Variants in CDH2 observed in about 807,000 individuals in gnomAD.
CDH2 encodes cadherin-2.
A neutral mutation model predicts 92.0 loss-of-function variants in CDH2; 17 were observed. The ratio of observed to expected loss-of-function variants is 0.18; its 90% confidence interval spans 0.13 to 0.28. CDH2 has a LOEUF of 0.28. Ranked by LOEUF, CDH2 falls within the 10% of genes least tolerant of loss-of-function variation. The pLI is 1.00. For missense variants in CDH2, 862 were observed against 1,133.1 expected, an observed-to-expected ratio of 0.76 and a Z score of 3.44; for synonymous variants, 419 against 415.9, an observed-to-expected ratio of 1.01 and a Z score of -0.09.
At chr18:28,105,035 G>A (rs1304230935) in intron 2 of CDH2, among the ~76,000 whole-genome samples, 2 of 151,926 alleles carry the variant, frequency 1.3e-5, no homozygotes, top group African/African-American at 2.4e-5. Context: ...TTGATCTAGA[G>A]CCAGATTTCT....
chr18:28,005,317 G>A (rs1367554945), intron 6 of CDH2, among the ~76,000 whole-genome samples: 1 of 152,100 alleles, frequency 6.6e-6, no homozygotes, highest in African/African-American at 2.4e-5. Flanking sequence ...GGGACACGCT[G>A]GCCACCCTGA....
chr18:28,118,138 T>C (rs1293214747), intron 2 of CDH2, among the ~76,000 whole-genome samples: 6 of 151,972 alleles, frequency 3.9e-5, no homozygotes, highest in South Asian at 2.1e-4. Context: ...TGATGTTCTA[T>C]CCATACAATA....
At chr18:28,010,685 G>T (rs531817389) in intron 4 of CDH2, among the ~76,000 whole-genome samples, 4 of 151,090 alleles carry the variant, frequency 2.6e-5, no homozygotes, top group South Asian at 2.1e-4. Flanking sequence ...TTTTTTGCGG[G>T]GGGGGAAGGA....
chr18:28,019,117 A>C (rs568207455), intron 2 of CDH2, among the ~76,000 whole-genome samples: 1 of 151,992 alleles, frequency 6.6e-6, no homozygotes, highest in South Asian at 2.1e-4. Flanking sequence ...GGTGTAAATG[A>C]TGCAATGGAC....
intron 15 of CDH2, among the ~76,000 whole-genome samples, chr18:27,957,064 C>G (rs187981072): frequency 3.9e-5 from 6 of 152,052 alleles, no homozygotes; most frequent in Admixed American, 3.3e-4. Context: ...TTGTGCACTT[C>G]TATGTTGTTT....
downstream of CDH2, among the ~76,000 whole-genome samples, chr18:27,948,913 T>C (rs1339159162): frequency 1.3e-5 from 2 of 151,878 alleles, no homozygotes; most frequent in Non-Finnish European, 2.9e-5. Flanking sequence ...AAAATAACCA[T>C]TTCAAAGGGG....
intron 2 of CDH2, among the ~76,000 whole-genome samples, chr18:28,070,394 T>C (rs550651908): frequency 4.1e-4 from 63 of 152,268 alleles, no homozygotes; most frequent in Admixed American, 4.1e-3. Context: ...GAGAAAGTAG[T>C]TGCTAAGGAG....
At chr18:27,998,096 A>G (rs990806041) in intron 7 of CDH2, among the ~76,000 whole-genome samples, 8 of 151,848 alleles carry the variant, frequency 5.3e-5, no homozygotes, top group Middle Eastern at 3.4e-3. Flanking sequence ...GTGAGCCACC[A>G]CTCCTGGCCA....
intron 2 of CDH2, among the ~76,000 whole-genome samples, chr18:28,077,981 G>A (rs994452611): frequency 6.7e-5 from 10 of 149,794 alleles, no homozygotes; most frequent in Admixed American, 1.3e-4. Flanking sequence ...ATACCAAATC[G>A]AATCTGTGGC....
chr18:27,945,374 G>T (rs1909246600), intron 6 of CDH2, among the ~76,000 whole-genome samples: 1 of 124,032 alleles, frequency 8.1e-6, no homozygotes, highest in Non-Finnish European at 1.6e-5. Flanking sequence ...TGTTGCTAAG[G>T]ATATGGTGAT....
chr18:27,990,399 G>A (rs1466036624), intron 9 of CDH2, 49 bp from the exon 10 acceptor site: 5 of 1,547,536 alleles, frequency 3.2e-6, no homozygotes, highest in Non-Finnish European at 4.4e-6. Context: ...AAGAATGCTT[G>A]CATTCTGTAG....
chr18:28,086,437 T>C (rs2014929236), intron 2 of CDH2, among the ~76,000 whole-genome samples: 1 of 152,002 alleles, frequency 6.6e-6, no homozygotes. Context: ...GTCCATTTAT[T>C]TATCATTCAA....
chr18:28,068,591 T>TTA (rs1174351455), intron 2 of CDH2, among the ~76,000 whole-genome samples: 1 of 152,206 alleles, frequency 6.6e-6, no homozygotes, highest in Non-Finnish European at 1.5e-5. Flanking sequence ...AAGTGGAAGA[T>TTA]GTATTAACAG....
At chr18:28,045,543 G>GT (rs1293051460) in intron 2 of CDH2, 3 of 411,734 alleles carry the variant, frequency 7.3e-6, no homozygotes, top group African/African-American at 6.2e-5. Flanking sequence ...ACATCCAACT[G>GT]TTTCAGGCTT....
At chr18:28,066,633 A>G (rs1464469841) in intron 2 of CDH2, among the ~76,000 whole-genome samples, 1 of 152,146 alleles carries the variant, frequency 6.6e-6, no homozygotes, top group African/African-American at 2.4e-5. Flanking sequence ...AAGCTGCTAC[A>G]ACTCTACTGT....
At chr18:28,145,710 T>C (rs999700215) in intron 2 of CDH2, among the ~76,000 whole-genome samples, 1 of 152,094 alleles carries the variant, frequency 6.6e-6, no homozygotes, top group Non-Finnish European at 1.5e-5. Flanking sequence ...TCCAAAAAGT[T>C]GTTTTTTTCT....
intron 11 of CDH2, among the ~76,000 whole-genome samples, chr18:27,986,426 G>T (rs17445798): frequency 0.02 from 3,109 of 152,244 alleles, 40 homozygotes; most frequent in South Asian, 0.053. Flanking sequence ...ACACACTCTT[G>T]TAAGTGGTGG....
chr18:28,068,519 C>T (rs1012830310), intron 2 of CDH2, among the ~76,000 whole-genome samples: 3 of 152,064 alleles, frequency 2.0e-5, no homozygotes, highest in Non-Finnish European at 4.4e-5. Flanking sequence ...TACAAAACAT[C>T]AACAAATTAA....
At chr18:28,033,479 C>CTG (rs542397743) in intron 2 of CDH2, among the ~76,000 whole-genome samples, 27 of 151,534 alleles carry the variant, frequency 1.8e-4, no homozygotes, top group South Asian at 6.3e-4. Context: ...TTTAGGTGCT[C>CTG]TGTGTGTGTG....
Sources: gnomAD v4.1 joint callset for allele counts (sites outside exome capture counted in the v4.1 genomes callset) on GRCh38, gnomAD v4.1.1 for gene constraint, MANE v1.5 for transcripts, NCBI Gene and HGNC (gene_info 2026-07-23, HGNC 2026-07-21) for gene names.